Variants in ATXN2 observed in about 807,000 individuals in gnomAD.
ATXN2 encodes the protein ataxin 2, also known as ataxin-2.
Under a neutral mutation model 138.6 loss-of-function variants are expected in ATXN2, and 37 were observed. The ratio of observed to expected loss-of-function variants is 0.27; its 90% CI spans 0.21 to 0.35. The LOEUF is 0.35. ATXN2 is among the 10% of genes least tolerant of loss of function. The probability of loss-of-function intolerance (pLI) is 1.00; values close to 1 mark genes in which losing one functional copy is unlikely to be tolerated. For missense variants in ATXN2, 1,216 were observed against 1,480.3 expected, an observed-to-expected ratio of 0.82 and a Z score of 2.93; for synonymous variants, 549 against 543.7, an observed-to-expected ratio of 1.01 and a Z score of -0.13.
At chr12:111,568,429 G>A (rs963317189) in intron 1 of ATXN2, among the ~76,000 whole-genome samples, 4 of 152,046 alleles carry the variant, frequency 2.6e-5, no homozygotes, top group African/African-American at 7.2e-5. Flanking sequence ...TCCTTCAGTA[G>A]TTTCTAATGC....
At chr12:111,558,952 T>TAAAAAAA (rs11439568) in intron 1 of ATXN2, among the ~76,000 whole-genome samples, 1 of 141,416 alleles carries the variant, frequency 7.1e-6, no homozygotes, top group African/African-American at 2.6e-5. Context: ...CAATTTCCCT[T>TAAAAAAA]AAAAAAAAAA....
chr12:111,463,635 G>C (rs1451187007), intron 21 of ATXN2, among the ~76,000 whole-genome samples: 1 of 152,110 alleles, frequency 6.6e-6, no homozygotes, highest in Non-Finnish European at 1.5e-5. Flanking sequence ...TTCATTTCCA[G>C]AAGAAAGCTC....
intron 5 of ATXN2, among the ~76,000 whole-genome samples, chr12:111,546,013 A>G (rs1389753123): frequency 6.6e-6 from 1 of 151,986 alleles, no homozygotes; most frequent in East Asian, 1.9e-4. Flanking sequence ...ATTTGTAGAT[A>G]AGGAAGGTAG....
intron 20 of ATXN2, chr12:111,468,243 A>T (rs1876162756): frequency 6.6e-6 from 1 of 152,272 alleles, no homozygotes; most frequent in South Asian, 2.1e-4. Context: ...TAAGACAACT[A>T]AAGACAAGTC....
intron 14 of ATXN2, among the ~76,000 whole-genome samples, chr12:111,496,492 C>T (rs1337860901): frequency 1.3e-5 from 2 of 151,786 alleles, no homozygotes; most frequent in Non-Finnish European, 1.5e-5. Flanking sequence ...GCCGAGATCG[C>T]GCCACTACAC....
At chr12:111,570,764 C>T (rs1178359149) in intron 1 of ATXN2, among the ~76,000 whole-genome samples, 1 of 152,210 alleles carries the variant, frequency 6.6e-6, no homozygotes, top group African/African-American at 2.4e-5. Flanking sequence ...GCATGCCTGC[C>T]TTCTCTACTA....
At chr12:111,548,058 T>C (rs950976356) in intron 5 of ATXN2, among the ~76,000 whole-genome samples, 3 of 151,898 alleles carry the variant, frequency 2.0e-5, no homozygotes, top group Admixed American at 6.6e-5. Flanking sequence ...CCGGGTGTGG[T>C]GGTACGTGCC....
At chr12:111,590,148 A>G (rs552991106) in intron 1 of ATXN2, among the ~76,000 whole-genome samples, 1 of 152,226 alleles carries the variant, frequency 6.6e-6, no homozygotes, top group Admixed American at 6.6e-5. Flanking sequence ...TGGGAAGTGG[A>G]GGTTACAGTG....
At chr12:111,539,563 C>T (rs1193941236) in intron 5 of ATXN2, among the ~76,000 whole-genome samples, 5 of 149,788 alleles carry the variant, frequency 3.3e-5, no homozygotes, top group African/African-American at 1.2e-4. Context: ...TTGGCTAACA[C>T]GGTGAAACCC....
chr12:111,537,008 C>CCCGGCCTCAAATGATCTG (rs1881222219), intron 5 of ATXN2, among the ~76,000 whole-genome samples: 1 of 151,862 alleles, frequency 6.6e-6, no homozygotes, highest in Non-Finnish European at 1.5e-5. Context: ...GTCTCGAACT[C>CCCGGCCTCAAATGATCTG]CCGGCCTCAA....
chr12:111,478,224 T>C (rs965083809), intron 18 of ATXN2, among the ~76,000 whole-genome samples: 2 of 152,086 alleles, frequency 1.3e-5, no homozygotes. Context: ...ATGACCAACA[T>C]GGTGAAACCC....
chr12:111,466,635 G>C (rs1814093677), intron 20 of ATXN2, among the ~76,000 whole-genome samples: 1 of 152,194 alleles, frequency 6.6e-6, no homozygotes, highest in South Asian at 2.1e-4. Context: ...AGTAATGTTA[G>C]CATATGTGTA....
At chr12:111,496,549 T>A (rs981708266) in intron 14 of ATXN2, among the ~76,000 whole-genome samples, 2 of 151,136 alleles carry the variant, frequency 1.3e-5, no homozygotes, top group Non-Finnish European at 3.0e-5. Context: ...AAAACAAAAA[T>A]AAAAATAAAA....
intron 18 of ATXN2, among the ~76,000 whole-genome samples, chr12:111,474,147 A>G (rs1876624436): frequency 6.6e-6 from 1 of 152,072 alleles, no homozygotes; most frequent in Admixed American, 6.6e-5. Context: ...CCTAAGCCCA[A>G]TTGGTAGAGA....
chr12:111,497,925 A>G (rs369220616), intron 14 of ATXN2, among the ~76,000 whole-genome samples: 23 of 152,246 alleles, frequency 1.5e-4, no homozygotes, highest in African/African-American at 5.1e-4. Context: ...CTGAGGCAGG[A>G]GAACGGCATG....
intron 14 of ATXN2, among the ~76,000 whole-genome samples, chr12:111,494,182 A>T (rs1337649697): frequency 1.3e-5 from 2 of 151,700 alleles, no homozygotes; most frequent in Non-Finnish European, 2.9e-5. Flanking sequence ...CGCCCACCTC[A>T]GCCTCCCAAA....
intron 14 of ATXN2, among the ~76,000 whole-genome samples, chr12:111,497,780 G>A (rs1878513618): frequency 6.6e-6 from 1 of 152,134 alleles, no homozygotes; most frequent in Non-Finnish European, 1.5e-5. Flanking sequence ...ACTTTGGGAG[G>A]CTGAGACGGG....
intron 5 of ATXN2, among the ~76,000 whole-genome samples, chr12:111,529,308 A>G (rs886786347): frequency 3.3e-5 from 5 of 152,210 alleles, no homozygotes; most frequent in African/African-American, 1.2e-4. Flanking sequence ...ATGGTGAGAA[A>G]CAAAAGCATT....
At chr12:111,468,230 C>T (rs932793821) in intron 20 of ATXN2, 1 of 152,228 alleles carries the variant, frequency 6.6e-6, no homozygotes, top group Non-Finnish European at 1.5e-5. Flanking sequence ...ATTCAGTCCC[C>T]GTTAAGACAA....
Sources: allele counts gnomAD v4.1 joint callset (sites outside exome capture counted in the v4.1 genomes callset), GRCh38; gene constraint gnomAD v4.1.1; transcripts MANE v1.5; gene names NCBI Gene and HGNC (gene_info 2026-07-23, HGNC 2026-07-21).